Variants in SMYD4 observed in about 807,000 individuals in gnomAD.
The protein encoded by SMYD4 is SET and MYND domain containing 4.
SMYD4 carries 68 observed loss-of-function variants against 72.8 expected under a neutral mutation model. The observed-to-expected ratio is 0.93, with a 90% CI of 0.77 to 1.14. SMYD4 has a LOEUF of 1.14. Among genes scored for constraint, SMYD4 ranks in the 50% most tolerant of loss-of-function variants. The probability of loss-of-function intolerance (pLI) is 0.00; values close to 1 mark genes in which losing one functional copy is unlikely to be tolerated. For missense variants in SMYD4, 984 were observed against 1,003.7 expected, an observed-to-expected ratio of 0.98 and a Z score of 0.27; for synonymous variants, 407 against 388.6, an observed-to-expected ratio of 1.05 and a Z score of -0.56.
chr17:1,820,940 T>C (rs1910854004), intron 2 of SMYD4, among the ~76,000 whole-genome samples: 1 of 152,184 alleles, frequency 6.6e-6, no homozygotes, highest in Non-Finnish European at 1.5e-5. Context: ...TAGATTGTGA[T>C]GGAACAGAAT....
intron 7 of SMYD4, among the ~76,000 whole-genome samples, chr17:1,784,794 G>A (rs192593046): frequency 1.9e-4 from 29 of 151,902 alleles, no homozygotes; most frequent in Admixed American, 8.5e-4. Context: ...TTTTTGAGAT[G>A]GAGTCTCGCT....
rs202094114 is a variant in SMYD4 at position 1,811,963 on chromosome 17, T to C, written c.279+8A>G. On this transcript the variant is annotated splice_region_variant and intron_variant, in intron 3 of 10. Coordinates refer to ENST00000305513, the MANE Select transcript of SMYD4 (RefSeq NM_052928.3). ...AATAATAAATTGCTTGAGCTGGGAG[T>C]GTTTTACCTTAGAGTACAGCACTGC... is the stretch of plus-strand genomic sequence containing the variant. The C allele has an allele frequency of 2.5e-6, 4 of 1,607,630 alleles. No individual in the cohort carries two copies. The East Asian group carries it at 8.9e-5, about 36-fold the overall frequency.
At chr17:1,798,348 T>C (rs764608413) in intron 5 of SMYD4, among the ~76,000 whole-genome samples, 27 of 152,078 alleles carry the variant, frequency 1.8e-4, no homozygotes, top group Non-Finnish European at 3.8e-4. Flanking sequence ...AGTAAGTGAT[T>C]TGACCCACCC....
intron 5 of SMYD4, among the ~76,000 whole-genome samples, chr17:1,796,340 T>C: frequency 6.9e-6 from 1 of 144,688 alleles, no homozygotes; most frequent in Non-Finnish European, 1.5e-5. Context: ...CTTGCTCTGT[T>C]GCCCAGGATG....
chr17:1,817,524 G>A (rs991933095), intron 2 of SMYD4, among the ~76,000 whole-genome samples: 4 of 70,882 alleles, frequency 5.6e-5, no homozygotes, highest in Middle Eastern at 8.5e-3. Flanking sequence ...TTGTAGAGAC[G>A]GGGTCTCACT....
At chr17:1,816,145 C>T (rs1188369994) in intron 2 of SMYD4, among the ~76,000 whole-genome samples, 1 of 152,190 alleles carries the variant, frequency 6.6e-6, no homozygotes, top group African/African-American at 2.4e-5. Context: ...ATTCCTCCCT[C>T]TCCACATCCC....
intron 2 of SMYD4, among the ~76,000 whole-genome samples, chr17:1,826,377 A>C (rs928874292): frequency 6.6e-6 from 1 of 151,924 alleles, no homozygotes; most frequent in African/African-American, 2.4e-5. Flanking sequence ...CTGCAATCCC[A>C]GCTACTCGGG....
At chr17:1,790,086 G>T (rs1363140728) in intron 5 of SMYD4, among the ~76,000 whole-genome samples, 1 of 152,186 alleles carries the variant, frequency 6.6e-6, no homozygotes, top group Non-Finnish European at 1.5e-5. Flanking sequence ...TCCAGGGCAT[G>T]AACAATTTGT....
At chr17:1,804,895 G>C (rs1385563172) in intron 3 of SMYD4, among the ~76,000 whole-genome samples, 180 bp from the exon 4 acceptor site, 2 of 152,138 alleles carry the variant, frequency 1.3e-5, no homozygotes, top group Non-Finnish European at 2.9e-5. Flanking sequence ...AGCAAGTGAG[G>C]ACATCAGTAT....
intron 2 of SMYD4, among the ~76,000 whole-genome samples, chr17:1,818,046 C>CA (rs540448588): frequency 0.032 from 3,275 of 103,218 alleles, 156 homozygotes; most frequent in Admixed American, 0.094. Context: ...GACTCTGTCT[C>CA]AAAAAAAAAA....
At chr17:1,783,812 G>A (rs1336025403) in intron 8 of SMYD4, 2 of 370,996 alleles carry the variant, frequency 5.4e-6, no homozygotes, top group African/African-American at 4.2e-5. Flanking sequence ...ATAAAGCAGG[G>A]TAAATAAAAA....
chr17:1,826,114 T>A (rs1911154050), intron 2 of SMYD4, among the ~76,000 whole-genome samples: 2 of 151,850 alleles, frequency 1.3e-5, no homozygotes, highest in African/African-American at 2.4e-5. Flanking sequence ...TTTATGAAGA[T>A]CTCCTACAAA....
chr17:1,800,027 GC>G lies in SMYD4; in HGVS notation c.1366del (p.Ala456GlnfsTer13). The G allele has an allele frequency of 1.2e-6, 2 of 1,614,156 alleles. No homozygotes were observed. The highest frequency in any genetic ancestry group is 1.7e-6 in the Non-Finnish European group (2 of 1,180,018). Reference protein sequence around the residue: ...CVSALCRQLEAASLQAIPTER... With the variant: ...CVSALCRQLEXASLQAIPTER... ...AGTTGGGATGGCCTGTAAACTGGCT[GC>G]TTCTAGCTGTCTGCACAGTGCAGAA... is the stretch of plus-strand genomic sequence containing the variant. On this transcript the variant is annotated frameshift_variant, in exon 5 of 11. Coordinates refer to ENST00000305513, the MANE Select transcript of SMYD4 (RefSeq NM_052928.3). LOFTEE classifies it high-confidence loss of function.
chr17:1,794,043 A>ATATATATATATGCG (rs1461446139), intron 5 of SMYD4, among the ~76,000 whole-genome samples: 1 of 71,126 alleles, frequency 1.4e-5, no homozygotes, highest in Non-Finnish European at 2.9e-5. Flanking sequence ...ATATGTATGT[A>ATATATATATATGCG]TATATATATG....
chr17:1,797,200 G>C (rs1909450421), intron 5 of SMYD4, among the ~76,000 whole-genome samples: 2 of 152,184 alleles, frequency 1.3e-5, no homozygotes, highest in South Asian at 4.1e-4. Flanking sequence ...AGCATGTAGA[G>C]TTTAGTGAAG....
chr17:1,807,418 G>C (rs1567780530), intron 3 of SMYD4, among the ~76,000 whole-genome samples: 1 of 147,796 alleles, frequency 6.8e-6, no homozygotes, highest in African/African-American at 2.5e-5. Flanking sequence ...TCCGCGTACC[G>C]CCCCCCCCGG....
chr17:1,797,211 C>A (rs1244135215), intron 5 of SMYD4, among the ~76,000 whole-genome samples: 3 of 152,142 alleles, frequency 2.0e-5, no homozygotes, highest in South Asian at 4.1e-4. Flanking sequence ...TTTAGTGAAG[C>A]CACATTTAAT....
intron 5 of SMYD4, among the ~76,000 whole-genome samples, chr17:1,795,075 T>C (rs1423782662): frequency 6.6e-6 from 1 of 152,230 alleles, no homozygotes. Context: ...GACTGGTCTC[T>C]AGCTTTTATC....
intron 2 of SMYD4, among the ~76,000 whole-genome samples, chr17:1,823,093 G>A (rs917390967): frequency 2.0e-5 from 3 of 151,652 alleles, no homozygotes; most frequent in Non-Finnish European, 2.9e-5. Context: ...GAAGCTGGCC[G>A]GGCACGGTGG....
Sources: gnomAD v4.1 joint callset for allele counts (sites outside exome capture counted in the v4.1 genomes callset) on GRCh38, gnomAD v4.1.1 for gene constraint, MANE v1.5 for transcripts, NCBI Gene and HGNC (gene_info 2026-07-23, HGNC 2026-07-21) for gene names.